Variants in CAST observed in about 807,000 individuals in gnomAD.
CAST encodes the protein calpastatin, also known as MIR583 host.
CAST carries 76 observed loss-of-function variants against 119.6 expected under a neutral mutation model. The observed-to-expected ratio is 0.64, with a 90% CI of 0.53 to 0.77. The LOEUF (loss-of-function observed/expected upper bound fraction) is 0.77. Among genes scored for constraint, CAST ranks in the 30% least tolerant of loss-of-function variants. The pLI is 0.00. For missense variants in CAST, 953 were observed against 946.5 expected (o/e 1.01, Z -0.09); for synonymous variants, 319 against 331.6 (o/e 0.96, Z 0.41).
chr5:96,392,985 G>A, the CAST span: 9 of 1,613,552 alleles, frequency 5.6e-6, no homozygotes, highest in African/African-American at 6.7e-5. Context: ...TTCCAACTTG[G>A]GACCACACAC....
At chr5:96,343,372 G>A in the CAST span, among the ~76,000 whole-genome samples, 1 of 152,138 alleles carries the variant, frequency 6.6e-6, no homozygotes, top group Admixed American at 6.6e-5. Context: ...GATGTTAAAT[G>A]TTTTCAGTTT....
At chr5:96,687,840 T>C (rs1198530503) in intron 2 of CAST, among the ~76,000 whole-genome samples, 2 of 152,198 alleles carry the variant, frequency 1.3e-5, no homozygotes, top group Non-Finnish European at 2.9e-5. Flanking sequence ...TTTTGTCACT[T>C]TTTTTCCTGT....
chr5:96,413,465 T>C, the CAST span, among the ~76,000 whole-genome samples: 1 of 152,206 alleles, frequency 6.6e-6, no homozygotes, highest in Non-Finnish European at 1.5e-5. Flanking sequence ...GAAATTGATA[T>C]GATCAGTGAA....
chr5:96,053,230 TC>T, the CAST span, among the ~76,000 whole-genome samples: 1 of 152,206 alleles, frequency 6.6e-6, no homozygotes, highest in Non-Finnish European at 1.5e-5. Flanking sequence ...TCCCAGAGAT[TC>T]TGATGTAATT....
the CAST span, among the ~76,000 whole-genome samples, chr5:96,115,508 A>G: frequency 2.0e-5 from 3 of 152,232 alleles, no homozygotes; most frequent in African/African-American, 7.2e-5. Context: ...AAGCTGAAGC[A>G]CAGATAAGTA....
the CAST span, among the ~76,000 whole-genome samples, chr5:96,225,464 A>G: frequency 6.6e-6 from 1 of 152,214 alleles, no homozygotes; most frequent in African/African-American, 2.4e-5. Context: ...CACAAAGATC[A>G]TAGATAGAAA....
chr5:96,090,956 A>G, the CAST span, among the ~76,000 whole-genome samples: 7 of 151,960 alleles, frequency 4.6e-5, no homozygotes, highest in South Asian at 2.1e-4. Flanking sequence ...ATGCCCATCC[A>G]TTGTTCCCAG....
intron 4 of CAST, among the ~76,000 whole-genome samples, chr5:96,724,070 T>C (rs763238420): frequency 6.6e-6 from 1 of 152,256 alleles, no homozygotes; most frequent in Non-Finnish European, 1.5e-5. Context: ...TTAAATTTAG[T>C]ATTTAAATTT....
chr5:96,442,935 C>T, the CAST span, among the ~76,000 whole-genome samples: 2 of 152,052 alleles, frequency 1.3e-5, no homozygotes, highest in Non-Finnish European at 2.9e-5. Context: ...TTGTCTTCCC[C>T]TCCATTTCTT....
chr5:96,397,241 T>A, the CAST span: 1 of 1,083,806 alleles, frequency 9.2e-7, no homozygotes, highest in Non-Finnish European at 1.4e-6. Flanking sequence ...GGTACAATTC[T>A]TTAGGGCCCT....
chr5:96,588,622 C>T (rs1481853492), intron 1 of CAST, among the ~76,000 whole-genome samples: 1 of 152,080 alleles, frequency 6.6e-6, no homozygotes, highest in East Asian at 1.9e-4. Flanking sequence ...GATGAAATTA[C>T]AATAAGATGG....
intron 13 of CAST, 83 bp downstream of exon 13, chr5:96,740,866 TGAG>T: frequency 1.1e-6 from 1 of 882,724 alleles, no homozygotes; most frequent in East Asian, 2.4e-5. Context: ...ATTCTATATT[TGAG>T]GATTATGACT....
the CAST span, among the ~76,000 whole-genome samples, chr5:96,304,254 G>A: frequency 6.6e-6 from 1 of 152,210 alleles, no homozygotes; most frequent in Non-Finnish European, 1.5e-5. Flanking sequence ...CTTCTTTTGA[G>A]ATGTGTCTGT....
chr5:96,351,301 T>C, the CAST span, among the ~76,000 whole-genome samples: 1 of 152,174 alleles, frequency 6.6e-6, no homozygotes, highest in Non-Finnish European at 1.5e-5. Context: ...TTTGGCCATG[T>C]GACTTGCTAT....
chr5:96,056,002 T>G, the CAST span, among the ~76,000 whole-genome samples: 12 of 152,152 alleles, frequency 7.9e-5, no homozygotes, highest in Non-Finnish European at 1.5e-4. Flanking sequence ...TAAGGTTTTC[T>G]ACCCCCAAAA....
At chr5:96,483,157 T>C in the CAST span, among the ~76,000 whole-genome samples, 1 of 152,192 alleles carries the variant, frequency 6.6e-6, no homozygotes, top group Non-Finnish European at 1.5e-5. Context: ...AAGTCATAAA[T>C]TTCCATTGAA....
Position 96,713,133 on chromosome 5 carries a change from CT to C in CAST, c.211-9489del, listed in dbSNP as rs11406642. ...TTGTTCAGCAGACCTCAGAATTTCT[CT>C]TTTTTTTTTTTTTTTTGAGATGGAG... On this transcript the variant is annotated intron_variant, in intron 3 of 31. Transcript: ENST00000675179. Among the ~76,000 whole-genome samples the C allele has an allele frequency of 6.9e-3, 943 of 136,724 alleles. 8 individuals carry two copies. Among genetic ancestry groups the C allele is most frequent in the African/African-American group, 0.018 (649 of 36,968 alleles). 89.7% of individuals were successfully genotyped at this position (136,724 alleles called of 152,430 possible). A position where few individuals can be genotyped will look rare whatever the true frequency, so the allele number is the denominator to read the frequency against.
At chr5:96,627,679 C>T (rs1455943325) in intron 1 of CAST, among the ~76,000 whole-genome samples, 1 of 152,136 alleles carries the variant, frequency 6.6e-6, no homozygotes, top group African/African-American at 2.4e-5. Context: ...GCTCAGTGCA[C>T]AGAAATATAA....
chr5:96,756,770 T>C (rs1395033319), intron 22 of CAST, among the ~76,000 whole-genome samples: 1 of 152,208 alleles, frequency 6.6e-6, no homozygotes, highest in African/African-American at 2.4e-5. Flanking sequence ...TGTAGGTGGA[T>C]AAATGGGATT....
Sources: allele counts gnomAD v4.1 joint callset (sites outside exome capture counted in the v4.1 genomes callset), GRCh38; gene constraint gnomAD v4.1.1; transcripts MANE v1.5; gene names NCBI Gene and HGNC (gene_info 2026-07-23, HGNC 2026-07-21).